The following NAV3 variants were observed in gnomAD, a reference collection of about 807,000 sequenced individuals.
NAV3 encodes pore membrane and/or filament interacting like protein 1.
Under a neutral mutation model 244.7 loss-of-function variants are expected in NAV3, and 87 were observed. The observed-to-expected ratio is 0.36, with a 90% CI of 0.30 to 0.42. The LOEUF (loss-of-function observed/expected upper bound fraction) is 0.42. Ranked by LOEUF, NAV3 falls within the 20% of genes least tolerant of loss-of-function variation. NAV3 has a pLI of 1.00. For missense variants in NAV3, 2,663 were observed against 2,893.3 expected (o/e 0.92, Z 1.83); for synonymous variants, 1,126 against 1,042.2 (o/e 1.08, Z -1.55).
intron 2 of NAV3, among the ~76,000 whole-genome samples, chr12:77,671,134 A>G (rs1873952781): frequency 6.6e-6 from 1 of 152,146 alleles, no homozygotes; most frequent in Non-Finnish European, 1.5e-5. Context: ...GCTCCACTAT[A>G]CACCAACAGT....
At chr12:77,948,683 C>T (rs12825350) in intron 3 of NAV3, among the ~76,000 whole-genome samples, 1 of 130,024 alleles carries the variant, frequency 7.7e-6, no homozygotes, top group Non-Finnish European at 1.6e-5. Flanking sequence ...TTCAATTGCC[C>T]CCCCACCACT....
At chr12:77,773,985 A>AT (rs1027167321) in intron 2 of NAV3, among the ~76,000 whole-genome samples, 2 of 152,100 alleles carry the variant, frequency 1.3e-5, no homozygotes, top group East Asian at 1.9e-4. Flanking sequence ...CCAAAAAATT[A>AT]TTTTTTTATA....
chr12:77,835,417 A>C (rs566060287), intron 1 of NAV3, among the ~76,000 whole-genome samples: 4 of 152,164 alleles, frequency 2.6e-5, no homozygotes, highest in Non-Finnish European at 5.9e-5. Context: ...AAACAGTTTT[A>C]TGATCTGGTT....
At chr12:77,696,471 A>T (rs145855395) in intron 2 of NAV3, among the ~76,000 whole-genome samples, 1 of 152,106 alleles carries the variant, frequency 6.6e-6, no homozygotes, top group Non-Finnish European at 1.5e-5. Flanking sequence ...ATGCGTTCTG[A>T]AGCAGATTTC....
intron 2 of NAV3, among the ~76,000 whole-genome samples, chr12:77,807,473 T>A (rs955029723): frequency 8.5e-5 from 13 of 152,244 alleles, no homozygotes. Context: ...GGGTTGAAAA[T>A]TCTTTTCTGT....
chr12:77,891,917 C>G (rs983772902), intron 1 of NAV3, among the ~76,000 whole-genome samples: 1 of 152,176 alleles, frequency 6.6e-6, no homozygotes, highest in African/African-American at 2.4e-5. Flanking sequence ...CCAGGACCAA[C>G]AGCCTTGCAG....
intron 12 of NAV3, among the ~76,000 whole-genome samples, chr12:78,103,226 C>G (rs2138244061): frequency 6.6e-6 from 1 of 152,308 alleles, no homozygotes; most frequent in East Asian, 1.9e-4. Flanking sequence ...TAAATCATCT[C>G]TCTCAAGTTC....
intron 22 of NAV3, among the ~76,000 whole-genome samples, chr12:78,156,737 C>A (rs1004578961): frequency 6.6e-6 from 1 of 152,052 alleles, no homozygotes; most frequent in Non-Finnish European, 1.5e-5. Flanking sequence ...AGAAAACACA[C>A]AATTTTAGTT....
intron 1 of NAV3, among the ~76,000 whole-genome samples, chr12:77,857,159 C>T (rs894071496): frequency 2.0e-5 from 3 of 152,030 alleles, no homozygotes; most frequent in Admixed American, 2.0e-4. Flanking sequence ...AATTCTAGCC[C>T]TCTCTTTTAA....
intron 5 of NAV3, among the ~76,000 whole-genome samples, chr12:77,984,148 T>C (rs960339223): frequency 2.0e-5 from 3 of 152,174 alleles, no homozygotes; most frequent in African/African-American, 7.2e-5. Context: ...CTTATGTTGT[T>C]GACTTTGGGA....
At chr12:77,640,579 T>A (rs1872364988) in intron 2 of NAV3, among the ~76,000 whole-genome samples, 1 of 152,138 alleles carries the variant, frequency 6.6e-6, no homozygotes. Flanking sequence ...TTAATCCATG[T>A]TGTCCCAAAT....
chr12:77,796,365 C>T lies in NAV3; in HGVS notation c.73-143954C>T, dbSNP rs149096318. 5.9e-3 allele frequency among the ~76,000 whole-genome samples: 899 copies of T among 152,258 alleles called. 2 individuals carry two copies. The highest frequency in any genetic ancestry group is 8.7e-3 in the Non-Finnish European group (591 of 68,020). On this transcript the variant is annotated intron_variant, in intron 2 of 8. Transcript: ENST00000550042. ...TTAGAAGTAGAGCCTGAAGGTGTGACTGAATTGCTGCAATCTCATGATAAA... is the reference window on the plus strand; with the variant it reads ...TTAGAAGTAGAGCCTGAAGGTGTGATTGAATTGCTGCAATCTCATGATAAA...
At chr12:78,093,540 A>G (rs1200587893) in intron 12 of NAV3, among the ~76,000 whole-genome samples, 1 of 152,204 alleles carries the variant, frequency 6.6e-6, no homozygotes, top group Non-Finnish European at 1.5e-5. Flanking sequence ...AATAAAACAC[A>G]TAACACTATG....
chr12:77,604,487 C>A (rs1428282573), intron 2 of NAV3, among the ~76,000 whole-genome samples: 1 of 151,644 alleles, frequency 6.6e-6, no homozygotes, highest in African/African-American at 2.4e-5. Context: ...CAGGGTCTGG[C>A]ACAGAGCAGC....
At chr12:77,657,708 A>G (rs1330965130) in intron 2 of NAV3, among the ~76,000 whole-genome samples, 38 of 152,374 alleles carry the variant, frequency 2.5e-4, no homozygotes, top group Non-Finnish European at 4.0e-4. Context: ...AAAATCCTCA[A>G]TAAAATACTG....
chr12:78,040,370 G>A (rs1168389175), intron 9 of NAV3, among the ~76,000 whole-genome samples: 1 of 152,092 alleles, frequency 6.6e-6, no homozygotes, highest in African/African-American at 2.4e-5. Context: ...GAATGAGGGA[G>A]GCTTTGGTTC....
rs569501465 is a variant in NAV3, at chr12:77,807,437, C to A, written c.73-132882C>A. Among the ~76,000 whole-genome samples the A allele has an allele frequency of 2.6e-5, 4 of 152,228 alleles. No homozygotes were observed. In the East Asian group the frequency reaches 7.7e-4, roughly 29 times the overall value. On this transcript the variant is annotated intron_variant, in intron 2 of 8. Transcript: ENST00000550042. ...TTTCATTTCTCCTTTGCTTATGAAG[C>A]TTAGTTTGGCTGGATATGAAATACT...
chr12:78,030,504 A>C (rs1438608877), intron 9 of NAV3, among the ~76,000 whole-genome samples: 2 of 152,218 alleles, frequency 1.3e-5, no homozygotes, highest in Non-Finnish European at 2.9e-5. Context: ...TGGCCTCTGC[A>C]CTGTGAATTG....
At chr12:77,755,336 A>T (rs1220881490) in intron 2 of NAV3, among the ~76,000 whole-genome samples, 1 of 152,188 alleles carries the variant, frequency 6.6e-6, no homozygotes, top group Non-Finnish European at 1.5e-5. Flanking sequence ...AATAGAGGCC[A>T]CATATATTTT....
Sources: gnomAD v4.1 joint callset for allele counts (sites outside exome capture counted in the v4.1 genomes callset) on GRCh38, gnomAD v4.1.1 for gene constraint, MANE v1.5 for transcripts, NCBI Gene and HGNC (gene_info 2026-07-23, HGNC 2026-07-21) for gene names.